Variants in ALG9 observed in about 807,000 individuals in gnomAD.
The protein encoded by ALG9 is alpha-1,2-mannosyltransferase ALG9.
ALG9 carries 55 observed loss-of-function variants against 81.8 expected under a neutral mutation model. The ratio of observed to expected loss-of-function variants is 0.67; its 90% CI spans 0.54 to 0.84. The LOEUF is 0.84. Among genes scored for constraint, ALG9 ranks in the 40% least tolerant of loss-of-function variants. The pLI is 0.00. For missense variants in ALG9, 629 were observed against 745.0 expected (o/e 0.84, Z 1.81); for synonymous variants, 278 against 274.3 (o/e 1.01, Z -0.13).
chr11:111,835,925 AT>A (rs1565963802), intron 13 of ALG9, among the ~76,000 whole-genome samples: 1 of 151,896 alleles, frequency 6.6e-6, no homozygotes. Context: ...TTATTTTTTA[AT>A]TTTTTGTAGA....
chr11:111,841,517 G>A (rs562827353), intron 9 of ALG9, among the ~76,000 whole-genome samples: 5 of 152,324 alleles, frequency 3.3e-5, no homozygotes, highest in African/African-American at 1.2e-4. Context: ...GAACCTGCTG[G>A]AAAGTTCCCG....
chr11:111,846,742 A>T (rs1367901110), intron 8 of ALG9, among the ~76,000 whole-genome samples: 6 of 152,216 alleles, frequency 3.9e-5, no homozygotes, highest in Non-Finnish European at 8.8e-5. Flanking sequence ...TATCAGCCAG[A>T]GTCCTCCCCT....
intron 2 of ALG9, among the ~76,000 whole-genome samples, chr11:111,869,589 A>AT (rs1434986698): frequency 1.3e-5 from 2 of 152,036 alleles, no homozygotes; most frequent in Admixed American, 1.3e-4. Context: ...TATTATTTTC[A>AT]TTTAAAAAAA....
Position 111,871,556 on chromosome 11 carries a change from A to C in ALG9, c.-74T>G, listed in dbSNP as rs1964292464. On this transcript the variant is annotated 5_prime_UTR_variant, in exon 1 of 15. Transcript: ENST00000616540. ...GCGCAGACATAGCTTTGGCTGGCAA[A>C]CGGTGTCCGCCGAGGGACAAAAGAC... 1 of 1,532,968 alleles carries C rather than the reference A, an allele frequency of 6.5e-7. No individual in the cohort carries two copies. The highest frequency in any genetic ancestry group is 2.0e-5 in the Admixed American group (1 of 50,906). 95.0% of individuals were successfully genotyped at this position (1,532,968 alleles called of 1,614,324 possible).
rs1555158881 is a variant in ALG9, at chr11:111,871,401, G to A, written c.82C>T (p.Arg28Trp). Residue 28 changes from arginine to tryptophan, a missense_variant, in exon 1 of 15, where the codon CGG becomes TGG. Transcript: ENST00000616540. ...GDTAPAADKLRELLGSREAGG... is the reference protein window; with the variant it reads ...GDTAPAADKLWELLGSREAGG... ...GCCTCTCGGCTGCCCAGCAGCTCCCGCAGCTTGTCCGCAGCCGGGGCCGTA... is the reference window on the plus strand; with the variant it reads ...GCCTCTCGGCTGCCCAGCAGCTCCCACAGCTTGTCCGCAGCCGGGGCCGTA... 1 of 1,534,978 alleles carries A rather than the reference G, an allele frequency of 6.5e-7. No homozygotes were observed. Among genetic ancestry groups the A allele is most frequent in the South Asian group, 1.2e-5 (1 of 83,954 alleles).
chr11:111,843,441 A>C (rs554333495), intron 9 of ALG9, among the ~76,000 whole-genome samples: 10 of 152,336 alleles, frequency 6.6e-5, no homozygotes, highest in African/African-American at 2.4e-4. Flanking sequence ...TTATTAGGAT[A>C]ATGGCATTAT....
At chr11:111,864,103 C>A (rs1555150390) in intron 4 of ALG9, among the ~76,000 whole-genome samples, 1 of 152,056 alleles carries the variant, frequency 6.6e-6, no homozygotes, top group Non-Finnish European at 1.5e-5. Flanking sequence ...TCCATGTAAC[C>A]AAAACCCACC....
chr11:111,848,546 C>T (rs932774388), intron 8 of ALG9, among the ~76,000 whole-genome samples: 28 of 150,116 alleles, frequency 1.9e-4, no homozygotes, highest in Non-Finnish European at 2.8e-4. Flanking sequence ...GTCGAGGTCA[C>T]CCCACTGCAC....
At chr11:111,825,524 C>A (rs1953084088) in intron 13 of ALG9, among the ~76,000 whole-genome samples, 1 of 152,220 alleles carries the variant, frequency 6.6e-6, no homozygotes. Flanking sequence ...TTCCTTCTGA[C>A]TGGAATGTCA....
chr11:111,837,796 G>C lies in ALG9; in HGVS notation c.1325-181C>G, dbSNP rs1205419653. Reference sequence around the variant, plus strand: ...AAAATGTCTCTCTAGCTGGGAACACGGTTACAGCAGAGGCCCTATTCTGCA... The same window carrying C: ...AAAATGTCTCTCTAGCTGGGAACACCGTTACAGCAGAGGCCCTATTCTGCA... On this transcript the variant is annotated intron_variant, in intron 11 of 14. Coordinates refer to ENST00000616540, the MANE Select transcript of ALG9 (RefSeq NM_024740.2). 3.3e-5 allele frequency among the ~76,000 whole-genome samples: 5 copies of C among 152,188 alleles called. No homozygotes were observed. The South Asian group carries it at 1.0e-3, about 32-fold the overall frequency.
At chr11:111,827,060 T>A (rs1480865884) in intron 13 of ALG9, among the ~76,000 whole-genome samples, 3 of 152,220 alleles carry the variant, frequency 2.0e-5, no homozygotes, top group Non-Finnish European at 4.4e-5. Context: ...TGTTTTTGTT[T>A]TATGAACCCC....
chr11:111,799,018 A>G (rs1468060676), intron 14 of ALG9, among the ~76,000 whole-genome samples: 1 of 152,224 alleles, frequency 6.6e-6, no homozygotes, highest in African/African-American at 2.4e-5. Flanking sequence ...TCTTGCAACA[A>G]TTTCAACAGG....
At chr11:111,787,196 C>T (rs888012408) in intron 14 of ALG9, among the ~76,000 whole-genome samples, 4 of 152,010 alleles carry the variant, frequency 2.6e-5, no homozygotes, top group South Asian at 2.1e-4. Flanking sequence ...TTTTGGAGGC[C>T]GAGGCAGGCA....
At chr11:111,807,124 T>C (rs1354270244) in intron 14 of ALG9, among the ~76,000 whole-genome samples, 1 of 152,226 alleles carries the variant, frequency 6.6e-6, no homozygotes, top group Non-Finnish European at 1.5e-5. Context: ...CCATTTATTC[T>C]CAGCACAGAA....
chr11:111,834,452 T>C (rs527982937), intron 13 of ALG9, among the ~76,000 whole-genome samples: 1 of 152,324 alleles, frequency 6.6e-6, no homozygotes, highest in East Asian at 1.9e-4. Context: ...TAAGAACACT[T>C]GTGCAAGCAT....
intron 13 of ALG9, among the ~76,000 whole-genome samples, chr11:111,828,295 T>C (rs1953732997): frequency 6.6e-6 from 1 of 152,202 alleles, no homozygotes; most frequent in South Asian, 2.1e-4. Context: ...CAATGGATAG[T>C]CTTGAGCATG....
rs1946080246 is a variant in ALG9, at chr11:111,783,007, G to A, written c.*3390C>T. 6.6e-6 allele frequency: 1 copy of A among 152,122 alleles called. No homozygotes were observed. The highest frequency in any genetic ancestry group is 2.4e-5 in the African/African-American group (1 of 41,430). 9.4% of individuals were successfully genotyped at this position (152,122 alleles called of 1,614,324 possible). The stretch of plus-strand genomic sequence containing the variant: ...CCTACCAGGTAGGAGGTAAATTTTG[G>A]TAGCAGATGCCTACCGTGCAGACTG... On this transcript the variant is annotated 3_prime_UTR_variant, in exon 15 of 15. Transcript: ENST00000616540.
intron 10 of ALG9, 23 bp from the exon 11 acceptor site, chr11:111,838,422 G>T (rs1955683051): frequency 5.1e-6 from 8 of 1,583,506 alleles, no homozygotes; most frequent in Non-Finnish European, 6.9e-6. Context: ...AATATAATTT[G>T]TAGAATATAC....
At chr11:111,862,524 G>C (rs543853760) in intron 4 of ALG9, among the ~76,000 whole-genome samples, 1 of 151,116 alleles carries the variant, frequency 6.6e-6, no homozygotes, top group Admixed American at 6.6e-5. Flanking sequence ...ATAAAACACC[G>C]TGCCCAGCCG....
Sources: allele counts gnomAD v4.1 joint callset (sites outside exome capture counted in the v4.1 genomes callset), GRCh38; gene constraint gnomAD v4.1.1; transcripts MANE v1.5; gene names NCBI Gene and HGNC (gene_info 2026-07-23, HGNC 2026-07-21).